KCNH4: variants seen among roughly 807,000 people sequenced by gnomAD.
KCNH4 encodes the protein voltage-gated delayed rectifier potassium channel KCNH4.
In KCNH4, 33 loss-of-function variants were observed where a neutral mutation model predicts 90.7. The ratio of observed to expected loss-of-function variants is 0.36; its 90% CI spans 0.28 to 0.49. KCNH4 has a LOEUF of 0.49. KCNH4 is among the 20% of genes least tolerant of loss of function. The pLI is 0.98. For synonymous variants in KCNH4, 551 were observed against 581.7 expected (o/e 0.95, Z 0.76); for missense variants, 1,044 against 1,387.1 (o/e 0.75, Z 3.93).
rs146578195 is a variant in KCNH4 at position 42,160,049 on chromosome 17, C to T, written c.3045G>A (p.Thr1015=). The change falls in exon 16 of 17, where the codon ACG becomes ACA. Residue 1015 remains threonine, a synonymous_variant. Transcript: ENST00000264661. ...LRHSFQSRSD[T]FH is the part of the protein sequence containing the mutation. ...GGGCCCTGGGCCAGGGTCAGTGGAA[C>T]GTGTCTGACCTGGACTGGAAACTGT... is the stretch of plus-strand genomic sequence containing the variant. 31 of 1,519,942 alleles carry T rather than the reference C, an allele frequency of 2.0e-5. No individual in the cohort carries two copies. Among genetic ancestry groups the T allele is most frequent in the Middle Eastern group, 3.8e-4 (2 of 5,294 alleles). 94.2% of individuals were successfully genotyped at this position (1,519,942 alleles called of 1,614,324 possible). A position where few individuals can be genotyped will look rare whatever the true frequency, so the allele number is the denominator to read the frequency against.
At chr17:42,172,986 G>A (rs555867225) in intron 6 of KCNH4, among the ~76,000 whole-genome samples, 2 of 151,772 alleles carry the variant, frequency 1.3e-5, no homozygotes, top group African/African-American at 4.8e-5. Context: ...GAGTTGAGGG[G>A]GCAGGAGAGC....
At chr17:42,172,536 AACACACACACACACACACACAC>A (rs55671197) in intron 6 of KCNH4, among the ~76,000 whole-genome samples, 11 of 136,630 alleles carry the variant, frequency 8.1e-5, no homozygotes, top group African/African-American at 1.8e-4. Flanking sequence ...CTTATTTAAC[AACACACACACACACACACACAC>A]ACACACACAC....
intron 14 of KCNH4, among the ~76,000 whole-genome samples, chr17:42,162,709 CA>C (rs2079757726): frequency 6.6e-6 from 1 of 152,080 alleles, no homozygotes; most frequent in South Asian, 2.1e-4. Flanking sequence ...TCTCCTGTCT[CA>C]GCCTTCCGAG....
rs1053697905 is a variant in KCNH4 at position 42,180,577 on chromosome 17, G to A, written c.76+293C>T. 6.6e-6 allele frequency among the ~76,000 whole-genome samples: 1 copy of A among 151,588 alleles called. No homozygotes were observed. The highest frequency in any genetic ancestry group is 1.5e-5 in the Non-Finnish European group (1 of 67,890). Reference sequence around the variant, plus strand: ...CCATACACGCCCCCAGCACAGCTCTGCCCGAGAGTGGGCGGCTCCGAAGGA... The same window carrying A: ...CCATACACGCCCCCAGCACAGCTCTACCCGAGAGTGGGCGGCTCCGAAGGA... On this transcript the variant is annotated intron_variant, in intron 1 of 16. Coordinates refer to ENST00000264661, the MANE Select transcript of KCNH4 (RefSeq NM_012285.3). The surrounding 1 kb of genome is among the most constrained non-coding windows in gnomAD (Gnocchi z 4.7).
chr17:42,165,843 G>A (rs1232835346), intron 10 of KCNH4, 150 bp from the exon 11 acceptor site: 5 of 945,032 alleles, frequency 5.3e-6, no homozygotes, highest in Non-Finnish European at 8.0e-6. Flanking sequence ...ATAACCAATG[G>A]AATTGGGAAA....
Position 42,181,017 on chromosome 17 carries a change from G to A in KCNH4, c.-72C>T. ...GCGGCCGGGCCGGAGGGGGCGCGCT[G>A]TCGGAGGGGCCGGGGCGCCCCATGC... On this transcript the variant is annotated 5_prime_UTR_variant, in exon 1 of 17. Coordinates refer to ENST00000264661, the MANE Select transcript of KCNH4 (RefSeq NM_012285.3). The A allele has an allele frequency of 2.1e-6, 3 of 1,422,558 alleles. No homozygotes were observed. The highest frequency in any genetic ancestry group is 2.4e-5 in the South Asian group (2 of 81,682). The allele number at this position is 1,422,558 out of a possible 1,614,324, so 88.1% of individuals were successfully genotyped here.
chr17:42,177,265 T>C (rs1049394974), intron 4 of KCNH4, among the ~76,000 whole-genome samples: 3 of 152,078 alleles, frequency 2.0e-5, no homozygotes, highest in African/African-American at 7.2e-5. Flanking sequence ...GTCAGGCTGG[T>C]CTTGAACTCC....
intron 9 of KCNH4, among the ~76,000 whole-genome samples, chr17:42,168,199 TCCCTGAGGG>T (rs1280523115): frequency 6.6e-6 from 1 of 152,146 alleles, no homozygotes; most frequent in Non-Finnish European, 1.5e-5. Context: ...ACTCTGGGTC[TCCCTGAGGG>T]CCAGGGCTAA....
Position 42,159,795 on chromosome 17 carries a change from A to T in KCNH4, c.*245T>A, listed in dbSNP as rs2079732580. On this transcript the variant is annotated 3_prime_UTR_variant, in exon 16 of 17. Coordinates refer to ENST00000264661, the MANE Select transcript of KCNH4 (RefSeq NM_012285.3). ...CCCAGCCCAATGGGCACTGCGGTTC[A>T]TCTCATGCCTGCTGGGTTCCACAGC... The T allele has an allele frequency of 2.6e-6, 1 of 379,548 alleles. No individual in the cohort carries two copies. Among genetic ancestry groups the T allele is most frequent in the Admixed American group, 4.3e-5 (1 of 23,270 alleles). 23.5% of individuals were successfully genotyped at this position (379,548 alleles called of 1,614,324 possible).
At chr17:42,172,095 G>T in intron 6 of KCNH4, 100 bp from the exon 7 acceptor site, 1 of 967,756 alleles carries the variant, frequency 1.0e-6, no homozygotes, top group Non-Finnish European at 1.6e-6. Flanking sequence ...TGGAGCCAGG[G>T]CAGGCTGCAA....
chr17:42,175,788 AC>A, intron 5 of KCNH4, 52 bp from the exon 6 acceptor site: 1 of 1,603,216 alleles, frequency 6.2e-7, no homozygotes, highest in African/African-American at 1.3e-5. Context: ...GGGTCAAGAA[AC>A]CGACAAAGCT....
At chr17:42,162,112 T>G in intron 15 of KCNH4, 136 bp downstream of exon 15, 3 of 674,636 alleles carry the variant, frequency 4.4e-6, no homozygotes, top group African/African-American at 1.8e-5. Flanking sequence ...GCCTGGCTAA[T>G]TTTTGTATTT....
At chr17:42,166,168 C>T in intron 10 of KCNH4, 129 bp downstream of exon 10, 1 of 1,186,534 alleles carries the variant, frequency 8.4e-7, no homozygotes. Context: ...AGAGAGTACT[C>T]CTCAGCAGGA....
chr17:42,176,450 G>A (rs1182874519), intron 4 of KCNH4, among the ~76,000 whole-genome samples, 153 bp from the exon 5 acceptor site: 3 of 151,114 alleles, frequency 2.0e-5, no homozygotes, highest in African/African-American at 7.3e-5. Context: ...CAGGAGAGGG[G>A]CGCAGAGGCT....
Position 42,181,017 on chromosome 17 carries a change from G to T in KCNH4, c.-72C>A. On this transcript the variant is annotated 5_prime_UTR_variant, in exon 1 of 17. Transcript: ENST00000264661. ...GCGGCCGGGCCGGAGGGGGCGCGCT[G>T]TCGGAGGGGCCGGGGCGCCCCATGC... 1 of 1,422,556 alleles carries T rather than the reference G, an allele frequency of 7.0e-7. No homozygotes were observed. Among genetic ancestry groups the T allele is most frequent in the Non-Finnish European group, 9.7e-7 (1 of 1,030,798 alleles). The allele number at this position is 1,422,556 out of a possible 1,614,324, so 88.1% of individuals were successfully genotyped here.
Position 42,181,012 on chromosome 17 carries a change from G to A in KCNH4, c.-67C>T. 6.7e-7 allele frequency: 1 copy of A among 1,485,236 alleles called. No homozygotes were observed. Among genetic ancestry groups the A allele is most frequent in the Non-Finnish European group, 9.2e-7 (1 of 1,082,208 alleles). The allele number at this position is 1,485,236 out of a possible 1,614,324, so 92.0% of individuals were successfully genotyped here. ...TCAGCGCGGCCGGGCCGGAGGGGGC[G>A]CGCTGTCGGAGGGGCCGGGGCGCCC... is the stretch of plus-strand genomic sequence containing the variant. On this transcript the variant is annotated 5_prime_UTR_variant, in exon 1 of 17. Transcript: ENST00000264661.
rs1390392301 is a variant in KCNH4 at position 42,164,119 on chromosome 17, G to A, written c.2124+11C>T. The A allele has an allele frequency of 6.4e-7, 1 of 1,550,412 alleles. No individual in the cohort carries two copies. ...AGGGCAATTCAACCCCACCCAGGAA[G>A]TGGGTGTTACCTGGGAGAGGCGAGG... is the stretch of plus-strand genomic sequence containing the variant. On this transcript the variant is annotated intron_variant, in intron 12 of 16. Coordinates refer to ENST00000264661, the MANE Select transcript of KCNH4 (RefSeq NM_012285.3).
intron 5 of KCNH4, 107 bp from the exon 6 acceptor site, chr17:42,175,843 G>A: frequency 7.1e-7 from 1 of 1,401,620 alleles, no homozygotes. Context: ...GGCATGGAGA[G>A]ATAGATTGGG....
In KCNH4 at chr17:42,171,895, G is replaced by A. The variant is rs201966056; in HGVS notation, c.1088C>T (p.Thr363Met). 42 of 1,614,134 alleles carry A rather than the reference G, an allele frequency of 2.6e-5. No individual in the cohort carries two copies. In the African/African-American group the frequency reaches 3.2e-4, roughly 12 times the overall value. The change falls in exon 7 of 17, where the codon ACG (threonine) becomes ATG (methionine). Residue 363 changes from threonine to methionine, a missense_variant. Thr to Met is a moderately conservative substitution (Grantham distance 81). Coordinates refer to ENST00000264661, the MANE Select transcript of KCNH4 (RefSeq NM_012285.3). ...GAGCGCAAAGACCGACATGAGCAGCGTGAGCACCACAGCACTGCACTGAGA... is the reference window on the plus strand; with the variant it reads ...GAGCGCAAAGACCGACATGAGCAGCATGAGCACCACAGCACTGCACTGAGA... ...RYSQCSAVVLTLLMSVFALLA... is the reference protein window; with the variant it reads ...RYSQCSAVVLMLLMSVFALLA...
Sources: allele counts gnomAD v4.1 joint callset (sites outside exome capture counted in the v4.1 genomes callset), GRCh38; gene constraint gnomAD v4.1.1; non-coding constraint Gnocchi (gnomAD v3.1); transcripts MANE v1.5; gene names NCBI Gene and HGNC (gene_info 2026-07-23, HGNC 2026-07-21).